Variants in PRKCB observed in about 807,000 individuals in gnomAD.
The protein encoded by PRKCB is protein kinase C beta.
Under a neutral mutation model 81.5 loss-of-function variants are expected in PRKCB, and 13 were observed. The observed-to-expected ratio is 0.16, with a 90% CI of 0.10 to 0.25. The LOEUF (loss-of-function observed/expected upper bound fraction) is 0.25. PRKCB is among the 10% of genes least tolerant of loss of function. PRKCB has a pLI of 1.00. For missense variants in PRKCB, 509 were observed against 875.7 expected, an observed-to-expected ratio of 0.58 and a Z score of 5.29; for synonymous variants, 335 against 321.4, an observed-to-expected ratio of 1.04 and a Z score of -0.45.
At chr16:23,875,493 A>C (rs1440995743) in intron 2 of PRKCB, among the ~76,000 whole-genome samples, 2 of 146,904 alleles carry the variant, frequency 1.4e-5, no homozygotes, top group African/African-American at 4.9e-5. Context: ...ATATATATAT[A>C]TATATATATA....
intron 3 of PRKCB, 121 bp from the exon 4 acceptor site, chr16:24,032,015 A>G: frequency 3.1e-6 from 2 of 653,124 alleles, no homozygotes; most frequent in Admixed American, 2.5e-5. Context: ...CCCAACAGGT[A>G]CAATGACCTC....
chr16:23,933,787 C>T (rs1567318399), intron 2 of PRKCB, among the ~76,000 whole-genome samples: 1 of 149,300 alleles, frequency 6.7e-6, no homozygotes, highest in Non-Finnish European at 1.5e-5. Context: ...TCCATCCATC[C>T]ATCCATCCAT....
intron 3 of PRKCB, among the ~76,000 whole-genome samples, chr16:24,011,518 T>TA (rs1482855722): frequency 1.3e-5 from 2 of 152,074 alleles, no homozygotes; most frequent in Non-Finnish European, 2.9e-5. Context: ...TTTGTTTTGT[T>TA]TTATTTTGTT....
intron 5 of PRKCB, among the ~76,000 whole-genome samples, chr16:24,037,857 C>T (rs912393719): frequency 2.7e-4 from 35 of 127,524 alleles, no homozygotes; most frequent in South Asian, 5.0e-4. Flanking sequence ...TAAGACAAGA[C>T]GTTTAAAAAA....
chr16:23,921,577 G>A (rs1963825810), intron 2 of PRKCB, among the ~76,000 whole-genome samples: 1 of 152,172 alleles, frequency 6.6e-6, no homozygotes, highest in Non-Finnish European at 1.5e-5. Context: ...CAGGTGGGCA[G>A]ATCACTTGAG....
chr16:24,086,496 T>C (rs1347736210), intron 5 of PRKCB, among the ~76,000 whole-genome samples: 1 of 152,180 alleles, frequency 6.6e-6, no homozygotes, highest in Admixed American at 6.5e-5. Flanking sequence ...CGGAGCTCAT[T>C]TTCTGGGTTC....
At chr16:23,870,637 G>T (rs896819131) in intron 2 of PRKCB, among the ~76,000 whole-genome samples, 3 of 152,140 alleles carry the variant, frequency 2.0e-5, no homozygotes, top group African/African-American at 7.2e-5. Context: ...CTGCTTCAGG[G>T]CATCAGCCTG....
intron 10 of PRKCB, among the ~76,000 whole-genome samples, chr16:24,166,757 T>A (rs757378037): frequency 1.4e-4 from 22 of 152,210 alleles, no homozygotes; most frequent in Non-Finnish European, 3.1e-4. Flanking sequence ...ATTAAGTGTT[T>A]GTTCAGAAAT....
chr16:23,926,457 C>G (rs966867242), intron 2 of PRKCB, among the ~76,000 whole-genome samples: 1 of 122,210 alleles, frequency 8.2e-6, no homozygotes, highest in Non-Finnish European at 1.7e-5. Flanking sequence ...GCACTCCAGC[C>G]TGGGCGACAG....
At chr16:23,986,357 G>A (rs1306162409) in intron 2 of PRKCB, among the ~76,000 whole-genome samples, 7 of 152,060 alleles carry the variant, frequency 4.6e-5, no homozygotes, top group Non-Finnish European at 8.8e-5. Context: ...GGGCTCAAGC[G>A]ATCCTCCCAC....
At chr16:24,149,860 T>C (rs1967051058) in intron 9 of PRKCB, among the ~76,000 whole-genome samples, 1 of 152,174 alleles carries the variant, frequency 6.6e-6, no homozygotes, top group Admixed American at 6.5e-5. Flanking sequence ...TTCAAAGTAA[T>C]ATAAATAAAA....
chr16:24,118,577 T>C (rs1013026822), intron 8 of PRKCB, among the ~76,000 whole-genome samples: 2 of 152,190 alleles, frequency 1.3e-5, no homozygotes, highest in Admixed American at 6.5e-5. Context: ...GCATTCATCA[T>C]CGGGAGTGGA....
At chr16:24,087,390 C>A (rs1263916151) in intron 5 of PRKCB, among the ~76,000 whole-genome samples, 3 of 152,156 alleles carry the variant, frequency 2.0e-5, no homozygotes, top group African/African-American at 4.8e-5. Flanking sequence ...AGTATGAATG[C>A]GCCATATATT....
chr16:23,889,080 A>G (rs761907309), intron 2 of PRKCB, among the ~76,000 whole-genome samples: 27 of 151,604 alleles, frequency 1.8e-4, no homozygotes, highest in Non-Finnish European at 2.5e-4. Flanking sequence ...CTACTCACTA[A>G]CCCACCCACT....
At chr16:24,135,305 T>G (rs631751) in intron 9 of PRKCB, among the ~76,000 whole-genome samples, 52,616 of 142,730 alleles carry the variant, frequency 0.37, 10,131 homozygotes, top group African/African-American at 0.47. Context: ...CAGACCTCAG[T>G]GTCCCTTTTT....
intron 2 of PRKCB, among the ~76,000 whole-genome samples, chr16:23,888,041 T>C (rs1963231573): frequency 6.6e-6 from 1 of 152,204 alleles, no homozygotes. Flanking sequence ...ATTGCAAGAA[T>C]CTGACTTGCT....
At chr16:24,083,383 G>A (rs1023489546) in intron 5 of PRKCB, among the ~76,000 whole-genome samples, 2 of 152,144 alleles carry the variant, frequency 1.3e-5, no homozygotes, top group African/African-American at 4.8e-5. Context: ...ACAAGAACCC[G>A]TGAGTATATC....
At chr16:23,990,168 T>G (rs985969221) in intron 3 of PRKCB, among the ~76,000 whole-genome samples, 5 of 151,086 alleles carry the variant, frequency 3.3e-5, no homozygotes, top group African/African-American at 9.7e-5. Flanking sequence ...GAGAAGAAGC[T>G]TTTTTTTTGG....
intron 2 of PRKCB, among the ~76,000 whole-genome samples, chr16:23,865,076 A>T (rs1962748097): frequency 6.6e-6 from 1 of 152,146 alleles, no homozygotes; most frequent in African/African-American, 2.4e-5. Context: ...AAATAAGCAC[A>T]ATCAGAAATG....
Sources: allele counts gnomAD v4.1 joint callset (sites outside exome capture counted in the v4.1 genomes callset), GRCh38; gene constraint gnomAD v4.1.1; transcripts MANE v1.5; gene names NCBI Gene and HGNC (gene_info 2026-07-23, HGNC 2026-07-21).